The following MSRA variants were observed in gnomAD, a reference collection of about 807,000 sequenced individuals.
MSRA encodes mitochondrial peptide methionine sulfoxide reductase.
A neutral mutation model predicts 31.3 loss-of-function variants in MSRA; 54 were observed. The ratio of observed to expected loss-of-function variants is 1.73; its 90% CI spans 1.39 to 2.17. MSRA has a LOEUF of 2.17. Ranked by LOEUF, MSRA falls within the 30% of genes most tolerant of loss-of-function variation. The probability of loss-of-function intolerance (pLI) is 0.00; values close to 1 mark genes in which losing one functional copy is unlikely to be tolerated. For missense variants in MSRA, 507 were observed against 300.9 expected (o/e 1.69, Z -5.07); for synonymous variants, 169 against 116.5 (o/e 1.45, Z -2.90).
chr8:10,176,116 T>A (rs1387220003), intron 1 of MSRA, among the ~76,000 whole-genome samples: 2 of 152,232 alleles, frequency 1.3e-5, no homozygotes, highest in African/African-American at 4.8e-5. Context: ...AATGGAAATC[T>A]GTGTTTAATG....
intron 3 of MSRA, among the ~76,000 whole-genome samples, chr8:10,275,789 C>G (rs1236582608): frequency 6.6e-6 from 1 of 152,222 alleles, no homozygotes; most frequent in East Asian, 1.9e-4. Flanking sequence ...ATGAAAAAAG[C>G]AGGGCCCAGA....
rs932370858 is a variant in MSRA at position 10,428,490 on chromosome 8, T to G, written c.*178T>G. The G allele has an allele frequency of 9.1e-5, 59 of 645,454 alleles. No homozygotes were observed. Among genetic ancestry groups the G allele is most frequent in the Middle Eastern group, 8.4e-4 (2 of 2,370 alleles). The allele number at this position is 645,454 out of a possible 1,614,324, so 40.0% of individuals were successfully genotyped here. A position where few individuals can be genotyped will look rare whatever the true frequency, so the allele number is the denominator to read the frequency against. ...GGCGCGATGGCAAGTTGATAAAATGTGACTTATCTCCTAATAAGTTATGGT... is the reference window on the plus strand; with the variant it reads ...GGCGCGATGGCAAGTTGATAAAATGGGACTTATCTCCTAATAAGTTATGGT... On this transcript the variant is annotated 3_prime_UTR_variant, in exon 6 of 6. Coordinates refer to ENST00000317173, the MANE Select transcript of MSRA (RefSeq NM_012331.5).
At chr8:10,148,576 G>A (rs1007841646) in intron 1 of MSRA, among the ~76,000 whole-genome samples, 2 of 151,868 alleles carry the variant, frequency 1.3e-5, no homozygotes, top group African/African-American at 4.8e-5. Flanking sequence ...GAACCTGGGA[G>A]GCAGAGGTTG....
At chr8:10,095,917 T>C (rs1286571465) in intron 1 of MSRA, 9 of 1,337,562 alleles carry the variant, frequency 6.7e-6, no homozygotes, top group African/African-American at 4.5e-5. Context: ...AGGATTAATA[T>C]AGAAGATGGC....
chr8:10,177,268 G>T (rs976420004), intron 1 of MSRA, among the ~76,000 whole-genome samples: 1 of 152,158 alleles, frequency 6.6e-6, no homozygotes, highest in Admixed American at 6.5e-5. Context: ...TGGGGGATTG[G>T]TTTATTTCCC....
intron 2 of MSRA, among the ~76,000 whole-genome samples, chr8:10,238,917 A>G (rs1021271270): frequency 6.6e-6 from 1 of 152,238 alleles, no homozygotes; most frequent in Non-Finnish European, 1.5e-5. Flanking sequence ...GAACATTCAA[A>G]TTTAAAACAT....
At chr8:10,087,031 G>A (rs1480622103) in intron 1 of MSRA, among the ~76,000 whole-genome samples, 1 of 152,152 alleles carries the variant, frequency 6.6e-6, no homozygotes, top group Non-Finnish European at 1.5e-5. Flanking sequence ...TATGACACCA[G>A]GGAGGCAACA....
chr8:10,262,010 G>C (rs2129094246), intron 3 of MSRA, among the ~76,000 whole-genome samples: 1 of 152,276 alleles, frequency 6.6e-6, no homozygotes, highest in African/African-American at 2.4e-5. Context: ...TTTTCACTTA[G>C]CAGTATGTAT....
intron 1 of MSRA, among the ~76,000 whole-genome samples, chr8:10,076,157 C>T (rs528031098): frequency 6.6e-6 from 1 of 152,318 alleles, no homozygotes; most frequent in South Asian, 2.1e-4. Context: ...GTCGCTATTT[C>T]TGGGAATAGA....
chr8:10,266,386 T>C (rs938225523), intron 3 of MSRA, among the ~76,000 whole-genome samples: 1 of 152,254 alleles, frequency 6.6e-6, no homozygotes, highest in Non-Finnish European at 1.5e-5. Flanking sequence ...CATGTGTATG[T>C]CTTTCATAAA....
At chr8:10,349,506 C>T (rs1803990881) in intron 5 of MSRA, among the ~76,000 whole-genome samples, 1 of 152,192 alleles carries the variant, frequency 6.6e-6, no homozygotes, top group South Asian at 2.1e-4. Context: ...TTCTCCTCTG[C>T]TTCCGCATGG....
At position 10,319,918 on chromosome 8, in the gene MSRA, C is replaced by G; in HGVS notation, c.472C>G (p.Arg158Gly). 8 of 1,598,236 alleles carry G rather than the reference C, an allele frequency of 5.0e-6. No individual in the cohort carries two copies. The highest frequency in any genetic ancestry group is 6.8e-6 in the Non-Finnish European group (8 of 1,172,798). Residue 158 changes from arginine to glycine, a missense_variant, in exon 5 of 6, where the codon CGC becomes GGC. Coordinates refer to ENST00000317173, the MANE Select transcript of MSRA (RefSeq NM_012331.5). ...GGGGAACGACCATGGCACTCAGTAC[C>G]GCTCGGCCATCTACCCGACCTCTGC... ...RQGNDHGTQYRSAIYPTSAKQ... is the reference protein window; with the variant it reads ...RQGNDHGTQYGSAIYPTSAKQ...
chr8:10,293,141 G>C (rs1018174379), intron 3 of MSRA, among the ~76,000 whole-genome samples: 2 of 152,178 alleles, frequency 1.3e-5, no homozygotes, highest in African/African-American at 4.8e-5. Context: ...GCTGACATGA[G>C]TCTATGGATC....
chr8:10,202,147 G>C (rs1352008878), intron 1 of MSRA, among the ~76,000 whole-genome samples: 1 of 152,204 alleles, frequency 6.6e-6, no homozygotes, highest in Admixed American at 6.5e-5. Context: ...TGGTGGGTTA[G>C]GTTCCCAGGT....
rs573201802 is a variant in MSRA at position 10,416,869 on chromosome 8, C to T, written c.544-11279C>T. Among the ~76,000 whole-genome samples the T allele has an allele frequency of 1.8e-4, 27 of 152,348 alleles. 1 individual carries two copies. In the South Asian group the frequency reaches 4.8e-3, roughly 27 times the overall value. On this transcript the variant is annotated intron_variant, in intron 5 of 5. Transcript: ENST00000317173. ...CCTTCCTCTCCTTCTCCATCCTCCC[C>T]GTCCTCTGCAGAGACACAACTCAGC... is the stretch of plus-strand genomic sequence containing the variant.
At chr8:10,278,120 T>G (rs574992832) in intron 3 of MSRA, among the ~76,000 whole-genome samples, 3 of 152,350 alleles carry the variant, frequency 2.0e-5, no homozygotes, top group Admixed American at 2.0e-4. Flanking sequence ...TCTACAGATA[T>G]CATTTTCAGA....
intron 5 of MSRA, among the ~76,000 whole-genome samples, chr8:10,372,190 C>G (rs932541105): frequency 6.6e-6 from 1 of 152,160 alleles, no homozygotes; most frequent in African/African-American, 2.4e-5. Flanking sequence ...CTACACTACT[C>G]GGGGCTTTCA....
chr8:10,419,916 G>A (rs187704672), intron 5 of MSRA, among the ~76,000 whole-genome samples: 81 of 152,290 alleles, frequency 5.3e-4, no homozygotes, highest in African/African-American at 1.8e-3. Flanking sequence ...CTGCTGTCAC[G>A]TTCCTTTTGC....
At chr8:10,305,981 C>T (rs546940850) in intron 4 of MSRA, among the ~76,000 whole-genome samples, 2 of 152,114 alleles carry the variant, frequency 1.3e-5, no homozygotes, top group Non-Finnish European at 2.9e-5. Context: ...CATTTGAATC[C>T]CACTGTTTAA....
Sources: gnomAD v4.1 joint callset for allele counts (sites outside exome capture counted in the v4.1 genomes callset) on GRCh38, gnomAD v4.1.1 for gene constraint, MANE v1.5 for transcripts, NCBI Gene and HGNC (gene_info 2026-07-23, HGNC 2026-07-21) for gene names.